The following MKS1 variants were observed in gnomAD, a reference collection of about 807,000 sequenced individuals.
MKS1 encodes tectonic-like complex member MKS1.
Under a neutral mutation model 83.7 loss-of-function variants are expected in MKS1, and 70 were observed. The observed-to-expected ratio is 0.84, with a 90% CI of 0.69 to 1.02. The LOEUF is 1.02. Ranked by LOEUF, MKS1 falls within the 50% of genes least tolerant of loss-of-function variation. MKS1 has a pLI of 0.00. For synonymous variants in MKS1, 251 were observed against 273.4 expected, an observed-to-expected ratio of 0.92 and a Z score of 0.81; for missense variants, 681 against 726.9, an observed-to-expected ratio of 0.94 and a Z score of 0.73.
intron 7 of MKS1, 130 bp downstream of exon 7, chr17:58,213,635 G>T: frequency 1.3e-6 from 1 of 771,420 alleles, no homozygotes; most frequent in African/African-American, 1.7e-5. Context: ...AACAGAATAC[G>T]AACCATTGCC....
At chr17:58,207,265 T>A (rs1353753998) in intron 14 of MKS1, 47 bp from the exon 15 acceptor site, 1 of 1,611,800 alleles carries the variant, frequency 6.2e-7, no homozygotes, top group East Asian at 2.2e-5. Flanking sequence ...AAAGGGCATG[T>A]GGCCCCTCAC....
rs372886368 is a variant in MKS1 at position 58,208,193 on chromosome 17, T to C, written c.1096-19A>G. On this transcript the variant is annotated intron_variant, in intron 12 of 17. Transcript: ENST00000393119. ...CCTTGTCCTATAAAAAGGAGTGTCA[T>C]AGGGTGGGCAAGGCCTCCCTTGGAA... 3.8e-6 allele frequency: 6 copies of C among 1,597,692 alleles called. No individual in the cohort carries two copies. Among genetic ancestry groups the C allele is most frequent in the Non-Finnish European group, 4.3e-6 (5 of 1,165,064 alleles).
In MKS1 at chr17:58,214,315, G is replaced by A. The variant is rs1310842031; in HGVS notation, c.588C>T (p.Val196=). The change falls in exon 6 of 18, where the codon GTC becomes GTT. Residue 196 remains valine (V), a synonymous_variant. Coordinates refer to ENST00000393119, the MANE Select transcript of MKS1 (RefSeq NM_017777.4). ...PSEEFVRNNH[V]INTPLQTMHI... ...GCATTGTCTGAAGAGGGGTGTTAATGACGTGGTTGTTCCTGACAAACTCTT... is the reference window on the plus strand; with the variant it reads ...GCATTGTCTGAAGAGGGGTGTTAATAACGTGGTTGTTCCTGACAAACTCTT... 6.2e-7 allele frequency: 1 copy of A among 1,614,110 alleles called. No individual in the cohort carries two copies. The highest frequency in any genetic ancestry group is 2.2e-5 in the East Asian group (1 of 44,878).
rs964936407 is a variant in MKS1 at position 58,214,962 on chromosome 17, C to CATGT, written c.418-125_418-124insACAT. 3.3e-5 allele frequency: 48 copies of CATGT among 1,442,868 alleles called. No individual in the cohort carries two copies. The African/African-American group carries it at 6.1e-4, about 18-fold the overall frequency. The allele number at this position is 1,442,868 out of a possible 1,614,324, so 89.4% of individuals were successfully genotyped here. Reference sequence around the variant, plus strand: ...CTGAACCCCACAGGTTCCGCCACCTCACAATTATACATGCTAACGGAGGGA... The same window carrying CATGT: ...CTGAACCCCACAGGTTCCGCCACCTCATGTACAATTATACATGCTAACGGAGGGA... On this transcript the variant is annotated intron_variant, in intron 4 of 17. Coordinates refer to ENST00000393119, the MANE Select transcript of MKS1 (RefSeq NM_017777.4).
chr17:58,207,132 G>C lies in MKS1; in HGVS notation c.1360C>G (p.Leu454Val), dbSNP rs1597977517. The C allele has an allele frequency of 2.5e-6, 4 of 1,614,192 alleles. No individual in the cohort carries two copies. In the East Asian group the frequency reaches 8.9e-5, roughly 36 times the overall value. ...ACATAGGAGAGGTCCTCCAGTTCCA[G>C]AGAACCGCCAATGAAAAACCTCCTC... Reference protein sequence around the residue: ...ELRRFFIGGSLELEDLSYVRI... With the variant: ...ELRRFFIGGSVELEDLSYVRI... Residue 454 changes from leucine to valine, a missense_variant, in exon 15 of 18, where the codon CTG becomes GTG. Around this residue, in one of 3 missense-constraint regions of MKS1, gnomAD observed 310 missense variants for 321.7 expected, o/e 0.96. Coordinates refer to ENST00000393119, the MANE Select transcript of MKS1 (RefSeq NM_017777.4).
chr17:58,218,475 A>AGCC, intron 2 of MKS1, 145 bp downstream of exon 2: 1 of 441,064 alleles, frequency 2.3e-6, no homozygotes, highest in South Asian at 2.2e-5. Context: ...AAAAAAAAAA[A>AGCC]AAAAAGCCAC....
chr17:58,218,798 G>T, intron 1 of MKS1, 69 bp from the exon 2 acceptor site: 1 of 1,383,586 alleles, frequency 7.2e-7, no homozygotes, highest in Non-Finnish European at 1.0e-6. Flanking sequence ...AGCAAGGATG[G>T]GGGAAACAAA....
chr17:58,206,516 G>A lies in MKS1; in HGVS notation c.1439C>T (p.Thr480Ile), dbSNP rs1411418411. The change falls in exon 16 of 18, where the codon ACA (threonine) becomes ATA (isoleucine). Residue 480 changes from threonine (T) to isoleucine (I), a missense_variant. Coordinates refer to ENST00000393119, the MANE Select transcript of MKS1 (RefSeq NM_017777.4). ...GAAGGTGACAGTGCCTGTGGTCTCT[G>A]TGCGGAGTCCAAAGCGGCTCAGGCG... ...GERLSRFGLR[T>I]ETTGTVTFRL... 6.8e-6 allele frequency: 11 copies of A among 1,613,906 alleles called. No individual in the cohort carries two copies. The highest frequency in any genetic ancestry group is 8.5e-6 in the Non-Finnish European group (10 of 1,180,018).
intron 15 of MKS1, chr17:58,206,763 G>C (rs1402476288): frequency 1.5e-6 from 1 of 660,696 alleles, no homozygotes; most frequent in African/African-American, 1.8e-5. Context: ...CATTTGAGAA[G>C]CGGCGGTCTT....
Position 58,206,477 on chromosome 17 carries a change from A to T in MKS1, c.1478T>A (p.Leu493Gln). Residue 493 changes from leucine (L) to glutamine (Q), a missense_variant, in exon 16 of 18, where the codon CTG becomes CAG. By Grantham distance (113) the Leu-to-Gln change is moderately radical (BLOSUM62 -2). Around this residue, in one of 3 missense-constraint regions of MKS1, gnomAD observed 310 missense variants for 321.7 expected, o/e 0.96. Coordinates refer to ENST00000393119, the MANE Select transcript of MKS1 (RefSeq NM_017777.4). ...TGTVTFRLHC[L>Q]QQSRAFMESS... ...CCAAGTCACTCACCTGGACTGCTGC[A>T]GACAGTGCAAGCGGAAGGTGACAGT... is the stretch of plus-strand genomic sequence containing the variant. 1 of 1,614,162 alleles carries T rather than the reference A, an allele frequency of 6.2e-7. No individual in the cohort carries two copies. The highest frequency in any genetic ancestry group is 1.1e-5 in the South Asian group (1 of 91,082).
Position 58,213,144 on chromosome 17 carries a change from T to G in MKS1, c.750-54A>C, listed in dbSNP as rs181267183. ...AACTCTAATAATGAGAGATGGGCCC[T>G]GGGATAGCTCCCAGCCCAGGGATGA... On this transcript the variant is annotated intron_variant, in intron 7 of 17. Coordinates refer to ENST00000393119, the MANE Select transcript of MKS1 (RefSeq NM_017777.4). 45 of 1,520,860 alleles carry G rather than the reference T, an allele frequency of 3.0e-5. No homozygotes were observed. The East Asian group carries it at 7.2e-4, about 24-fold the overall frequency. The allele number at this position is 1,520,860 out of a possible 1,614,324, so 94.2% of individuals were successfully genotyped here. A position where few individuals can be genotyped will look rare whatever the true frequency, so the allele number is the denominator to read the frequency against.
In MKS1 at chr17:58,206,264, G is replaced by C. The variant is rs1219795381; in HGVS notation, c.1588+19C>G. The C allele has an allele frequency of 6.2e-7, 1 of 1,614,082 alleles. No homozygotes were observed. The highest frequency in any genetic ancestry group is 1.7e-5 in the Admixed American group (1 of 60,026). ...GGCCCATGCTGACCTGGGGTGGCCA[G>C]CTGGGGGAGGGGACATACCTAGCAC... On this transcript the variant is annotated intron_variant, in intron 17 of 17. Coordinates refer to ENST00000393119, the MANE Select transcript of MKS1 (RefSeq NM_017777.4).
chr17:58,217,669 TGA>T (rs1190158933), intron 2 of MKS1, among the ~76,000 whole-genome samples: 1 of 152,004 alleles, frequency 6.6e-6, no homozygotes, highest in African/African-American at 2.4e-5. Context: ...AAAAATAAAC[TGA>T]GTGTGAGTCT....
At position 58,218,518 on chromosome 17, in the gene MKS1, A is replaced by ACATAT. The variant is rs965515794; in HGVS notation, c.190+97_190+101dup. On this transcript the variant is annotated intron_variant, in intron 2 of 17. Transcript: ENST00000393119. Reference sequence around the variant, plus strand: ...ATGTAGGTTGCCGGGCAACTCTATAACATATCAGAAGTATAGTATTTGTTA... The same window carrying ACATAT: ...ATGTAGGTTGCCGGGCAACTCTATAACATATCATATCAGAAGTATAGTATTTGTTA... 21 of 863,438 alleles carry ACATAT rather than the reference A, an allele frequency of 2.4e-5. No homozygotes were observed. In the African/African-American group the frequency reaches 3.2e-4, roughly 13 times the overall value. The allele number at this position is 863,438 out of a possible 1,614,324, so 53.5% of individuals were successfully genotyped here.
At position 58,219,074 on chromosome 17, in the gene MKS1, T is replaced by A. The variant is rs931430061; in HGVS notation, c.80+77A>T. On this transcript the variant is annotated intron_variant, in intron 1 of 17. Transcript: ENST00000393119. Reference sequence around the variant, plus strand: ...GGATTGTAAGCAGAAAGTGGGGACCTCAGAACACCGAGCTCAGGTTGGAAT... The same window carrying A: ...GGATTGTAAGCAGAAAGTGGGGACCACAGAACACCGAGCTCAGGTTGGAAT... 5.9e-6 allele frequency: 9 copies of A among 1,530,272 alleles called. No homozygotes were observed. In the African/African-American group the frequency reaches 1.2e-4, roughly 21 times the overall value. The allele number at this position is 1,530,272 out of a possible 1,614,324, so 94.8% of individuals were successfully genotyped here. A position where few individuals can be genotyped will look rare whatever the true frequency, so the allele number is the denominator to read the frequency against.
intron 5 of MKS1, 48 bp downstream of exon 5, chr17:58,214,693 A>T (rs768602066): frequency 1.3e-6 from 2 of 1,562,204 alleles, no homozygotes; most frequent in Admixed American, 1.8e-5. Flanking sequence ...ACCCAACTTT[A>T]GGAAATAAAA....
Position 58,205,606 on chromosome 17 carries a change from T to C in MKS1, c.*473A>G. Reference sequence around the variant, plus strand: ...CCTCAGCAAGCCCCAAGCAGTAGAATGAGGCTTCCCTGGAAAGAGGCTGAG... The same window carrying C: ...CCTCAGCAAGCCCCAAGCAGTAGAACGAGGCTTCCCTGGAAAGAGGCTGAG... On this transcript the variant is annotated 3_prime_UTR_variant, in exon 18 of 18. Transcript: ENST00000393119. 2.3e-6 allele frequency: 3 copies of C among 1,306,068 alleles called. No individual in the cohort carries two copies. Among genetic ancestry groups the C allele is most frequent in the Non-Finnish European group, 3.0e-6 (3 of 990,266 alleles). 80.9% of individuals were successfully genotyped at this position (1,306,068 alleles called of 1,614,324 possible). A position where few individuals can be genotyped will look rare whatever the true frequency, so the allele number is the denominator to read the frequency against.
At position 58,209,032 on chromosome 17, in the gene MKS1, C is replaced by G. The variant is rs1223027044; in HGVS notation, c.1025-449G>C. Among the ~76,000 whole-genome samples the G allele has an allele frequency of 2.6e-5, 4 of 152,168 alleles. No individual in the cohort carries two copies. The highest frequency in any genetic ancestry group is 9.7e-5 in the African/African-American group (4 of 41,438). On this transcript the variant is annotated intron_variant, in intron 11 of 17. Coordinates refer to ENST00000393119, the MANE Select transcript of MKS1 (RefSeq NM_017777.4). This position sits in a 1 kb window ranked among gnomAD's most constrained non-coding sequence, Gnocchi z 4.1. The stretch of plus-strand genomic sequence containing the variant: ...CAAGGCAGAAGAATTTTTCTTAGTA[C>G]AGAACAAAATGGAGTCTCCTATGTC...
In MKS1 at chr17:58,213,265, G is replaced by A. The variant is rs550475463; in HGVS notation, c.750-175C>T. Among the ~76,000 whole-genome samples the A allele has an allele frequency of 3.9e-5, 6 of 152,324 alleles. No homozygotes were observed. The South Asian group carries it at 1.2e-3, about 32-fold the overall frequency. ...GAAACAAAAGGGTAAAGCAGAGAGG[G>A]CACCAGACTAGACTCAGAAAGTATA... On this transcript the variant is annotated intron_variant, in intron 7 of 17. Coordinates refer to ENST00000393119, the MANE Select transcript of MKS1 (RefSeq NM_017777.4).
Sources: allele counts gnomAD v4.1 joint callset (sites outside exome capture counted in the v4.1 genomes callset), GRCh38; gene constraint gnomAD v4.1.1; regional missense constraint gnomAD v4.1.1; non-coding constraint Gnocchi (gnomAD v3.1); transcripts MANE v1.5; gene names NCBI Gene and HGNC (gene_info 2026-07-23, HGNC 2026-07-21).